The following NSD1 variants were observed in gnomAD, a reference collection of about 807,000 sequenced individuals.
NSD1 encodes histone-lysine N-methyltransferase, H3 lysine-36 specific.
NSD1 carries 26 observed loss-of-function variants against 242.7 expected under a neutral mutation model. That is an observed-to-expected ratio of 0.11 (90% CI 0.08 to 0.15). The LOEUF (loss-of-function observed/expected upper bound fraction) is 0.15, where lower values mean the gene tolerates loss of function less well. Ranked by LOEUF, NSD1 falls within the 10% of genes least tolerant of loss-of-function variation. The pLI is 1.00. For missense variants in NSD1, 2,495 were observed against 3,272.8 expected (o/e 0.76, Z 5.80); for synonymous variants, 1,106 against 1,178.1 (o/e 0.94, Z 1.25).
intron 2 of NSD1, among the ~76,000 whole-genome samples, chr5:177,182,184 G>C (rs897486225): frequency 6.6e-6 from 1 of 151,900 alleles, no homozygotes; most frequent in African/African-American, 2.4e-5. Flanking sequence ...GGTCATAGTG[G>C]TATGCACTTT....
chr5:177,200,274 C>A (rs770114724), intron 3 of NSD1, among the ~76,000 whole-genome samples: 5 of 151,626 alleles, frequency 3.3e-5, no homozygotes, highest in African/African-American at 1.2e-4. Context: ...ACGCCTGGCT[C>A]ATTTTTGTAT....
chr5:177,200,252 G>T (rs1762415874), intron 3 of NSD1, among the ~76,000 whole-genome samples: 1 of 152,004 alleles, frequency 6.6e-6, no homozygotes, highest in Non-Finnish European at 1.5e-5. Flanking sequence ...GGGACTACAG[G>T]CATGTGCCAG....
At position 177,293,803 on chromosome 5, in the gene NSD1, A is replaced by T. The variant is rs762199322; in HGVS notation, c.6464-29A>T. The stretch of plus-strand genomic sequence containing the variant: ...ATGTGATATGTATCTCTTTTTTCCT[A>T]AACTTTTGATTTACTTCTGTGTTTT... On this transcript the variant is annotated intron_variant, in intron 22 of 22. Transcript: ENST00000439151. 16 of 1,612,436 alleles carry T rather than the reference A, an allele frequency of 9.9e-6. No individual in the cohort carries two copies. The African/African-American group carries it at 2.1e-4, about 22-fold the overall frequency.
At chr5:177,256,022 G>T (rs2149910790) in intron 12 of NSD1, among the ~76,000 whole-genome samples, 1 of 152,194 alleles carries the variant, frequency 6.6e-6, no homozygotes, top group South Asian at 2.1e-4. Context: ...AACATCTAAT[G>T]TATAGCGAGA....
At chr5:177,140,864 G>A (rs915332558) in intron 2 of NSD1, among the ~76,000 whole-genome samples, 2 of 152,080 alleles carry the variant, frequency 1.3e-5, no homozygotes, top group African/African-American at 4.8e-5. Context: ...TTTGCTGCCT[G>A]AGACAAAAAT....
At chr5:177,155,683 T>C (rs1758071534) in intron 2 of NSD1, among the ~76,000 whole-genome samples, 2 of 147,992 alleles carry the variant, frequency 1.4e-5, no homozygotes, top group Admixed American at 1.3e-4. Context: ...TTATTCTTAT[T>C]TATTTATTTG....
At chr5:177,194,441 CTTT>C (rs749501540) in intron 3 of NSD1, among the ~76,000 whole-genome samples, 4 of 118,558 alleles carry the variant, frequency 3.4e-5, no homozygotes, top group Admixed American at 8.8e-5. Flanking sequence ...CCACACATGG[CTTT>C]TTTTTTTTTT....
At chr5:177,226,986 A>T (rs749507086) in intron 5 of NSD1, among the ~76,000 whole-genome samples, 13 of 152,228 alleles carry the variant, frequency 8.5e-5, no homozygotes, top group Non-Finnish European at 1.6e-4. Flanking sequence ...CAGGGTGTGG[A>T]TAGGGATATT....
rs1758971998 is a variant in NSD1 at position 177,282,469 on chromosome 5, A to C, written c.5897A>C (p.Glu1966Ala). Reference protein sequence around the residue: ...LRTKTDIKKGEFVNEYVGELI... With the variant: ...LRTKTDIKKGAFVNEYVGELI... Reference sequence around the variant, plus strand: ...AGGAGGTATTTCTTGTTCTAGGGTGAATTTGTGAATGAGTATGTGGGTGAG... The same window carrying C: ...AGGAGGTATTTCTTGTTCTAGGGTGCATTTGTGAATGAGTATGTGGGTGAG... The change falls in exon 19 of 23, where the codon GAA becomes GCA. Residue 1966 changes from glutamate to alanine, a missense_variant. This residue lies in a region of NSD1 where 114 missense variants were observed against 247.4 expected (regional missense o/e 0.46). Transcript: ENST00000439151. 1 of 1,609,596 alleles carries C rather than the reference A, an allele frequency of 6.2e-7. No homozygotes were observed. Among genetic ancestry groups the C allele is most frequent in the African/African-American group, 1.3e-5 (1 of 74,814 alleles).
chr5:177,213,628 C>G (rs959850211), intron 5 of NSD1, among the ~76,000 whole-genome samples: 2 of 152,174 alleles, frequency 1.3e-5, no homozygotes, highest in Non-Finnish European at 2.9e-5. Flanking sequence ...CCACCACACC[C>G]AGCTAATTTT....
At chr5:177,270,711 T>C (rs1757880084) in intron 16 of NSD1, among the ~76,000 whole-genome samples, 1 of 152,210 alleles carries the variant, frequency 6.6e-6, no homozygotes, top group African/African-American at 2.4e-5. Flanking sequence ...AAAGGGATTC[T>C]AAGCAAGTGA....
chr5:177,295,699 G>A lies in NSD1; in HGVS notation c.*240G>A. ...CCCAACCAAGGAGACAGACAGACTT[G>A]GGTCTCTTTCCCCCAACTTTTCCAC... On this transcript the variant is annotated 3_prime_UTR_variant, in exon 23 of 23. Coordinates refer to ENST00000439151, the MANE Select transcript of NSD1 (RefSeq NM_022455.5). The surrounding 1 kb of genome is among the most constrained non-coding windows in gnomAD (Gnocchi z 4.3). The A allele has an allele frequency of 1.7e-6, 1 of 582,004 alleles. No homozygotes were observed. Among genetic ancestry groups the A allele is most frequent in the South Asian group, 2.0e-5 (1 of 50,132 alleles). The allele number at this position is 582,004 out of a possible 1,614,324, so 36.1% of individuals were successfully genotyped here. A position where few individuals can be genotyped will look rare whatever the true frequency, so the allele number is the denominator to read the frequency against.
intron 2 of NSD1, among the ~76,000 whole-genome samples, chr5:177,177,544 ACAG>A: frequency 6.6e-6 from 1 of 152,154 alleles, no homozygotes; most frequent in South Asian, 2.1e-4. Context: ...AAACAAAAAA[ACAG>A]CAACAACAAC....
At chr5:177,187,200 G>C (rs567125807) in intron 2 of NSD1, among the ~76,000 whole-genome samples, 2 of 148,708 alleles carry the variant, frequency 1.3e-5, no homozygotes, top group East Asian at 4.0e-4. Context: ...CGCCTCCCAG[G>C]TTCAAGCGAT....
chr5:177,146,866 A>G (rs1271031626), intron 2 of NSD1, among the ~76,000 whole-genome samples: 6 of 151,468 alleles, frequency 4.0e-5, no homozygotes, highest in Non-Finnish European at 8.8e-5. Context: ...AATTAGCTGG[A>G]TATGGTGGGT....
chr5:177,200,265 C>T (rs926785799), intron 3 of NSD1, among the ~76,000 whole-genome samples: 4 of 151,820 alleles, frequency 2.6e-5, no homozygotes, highest in Admixed American at 1.3e-4. Context: ...TGTGCCAGCA[C>T]GCCTGGCTCA....
intron 12 of NSD1, among the ~76,000 whole-genome samples, chr5:177,255,709 A>G (rs1756382059): frequency 6.6e-6 from 1 of 151,908 alleles, no homozygotes; most frequent in African/African-American, 2.4e-5. Flanking sequence ...CAGCCTCTGT[A>G]TTAGTTGGGA....
chr5:177,199,514 CAA>C (rs1762350767), intron 3 of NSD1, among the ~76,000 whole-genome samples: 1 of 152,234 alleles, frequency 6.6e-6, no homozygotes, highest in South Asian at 2.1e-4. Context: ...GCCTTGGCCT[CAA>C]AAAGTGTTTG....
intron 5 of NSD1, among the ~76,000 whole-genome samples, chr5:177,227,811 A>T (rs1764746639): frequency 1.3e-5 from 2 of 151,942 alleles, no homozygotes; most frequent in Admixed American, 6.6e-5. Flanking sequence ...GGCCTAGCAC[A>T]GTGGCTCACA....
Sources: gnomAD v4.1 joint callset for allele counts (sites outside exome capture counted in the v4.1 genomes callset) on GRCh38, gnomAD v4.1.1 for gene constraint, gnomAD v4.1.1 regional missense constraint, Gnocchi (gnomAD v3.1) non-coding constraint, MANE v1.5 for transcripts, NCBI Gene and HGNC (gene_info 2026-07-23, HGNC 2026-07-21) for gene names.